Variants in SEMA3E observed in about 807,000 individuals in gnomAD.
SEMA3E encodes the protein semaphorin 3E, also known as semaphorin-3E.
SEMA3E carries 49 observed loss-of-function variants against 93.6 expected under a neutral mutation model. That is an observed-to-expected ratio of 0.52 (90% CI 0.42 to 0.66). The LOEUF (loss-of-function observed/expected upper bound fraction) is 0.66, where lower values mean the gene tolerates loss of function less well. SEMA3E is among the 30% of genes least tolerant of loss of function. SEMA3E has a pLI of 0.00. For missense variants in SEMA3E, 906 were observed against 964.8 expected (o/e 0.94, Z 0.81); for synonymous variants, 363 against 330.7 (o/e 1.10, Z -1.06).
chr7:83,385,040 C>A (rs941671085), intron 16 of SEMA3E, among the ~76,000 whole-genome samples: 3 of 150,924 alleles, frequency 2.0e-5, no homozygotes, highest in Admixed American at 6.6e-5. Context: ...CTTCCAAGAT[C>A]CAAATTAATG....
intron 1 of SEMA3E, among the ~76,000 whole-genome samples, chr7:83,608,483 A>C (rs1793174578): frequency 6.6e-6 from 1 of 152,090 alleles, no homozygotes; most frequent in Admixed American, 6.6e-5. Context: ...TGTCCAGAGC[A>C]TGCACATTTT....
chr7:83,451,047 G>A (rs944032324), intron 4 of SEMA3E, among the ~76,000 whole-genome samples: 1 of 152,084 alleles, frequency 6.6e-6, no homozygotes, highest in African/African-American at 2.4e-5. Context: ...TCCTGTTAGT[G>A]ATAGTAAGTT....
intron 1 of SEMA3E, among the ~76,000 whole-genome samples, chr7:83,606,762 TAAAAA>T (rs200784473): frequency 8.7e-6 from 1 of 115,562 alleles, no homozygotes; most frequent in Admixed American, 8.8e-5. Flanking sequence ...TAAAGTATAA[TAAAAA>T]AAAAAAAATT....
intron 1 of SEMA3E, among the ~76,000 whole-genome samples, chr7:83,622,705 T>C (rs2115636411): frequency 6.6e-6 from 1 of 152,276 alleles, no homozygotes; most frequent in African/African-American, 2.4e-5. Flanking sequence ...CTGGAAGCCA[T>C]TATCCTCGGC....
At chr7:83,627,072 C>T (rs1434947798) in intron 1 of SEMA3E, among the ~76,000 whole-genome samples, 1 of 151,922 alleles carries the variant, frequency 6.6e-6, no homozygotes, top group Non-Finnish European at 1.5e-5. Flanking sequence ...TCTGAGAGAC[C>T]GTTTGTTACA....
intron 4 of SEMA3E, among the ~76,000 whole-genome samples, chr7:83,445,970 TCTTGTGTACACTTA>T (rs1789219775): frequency 6.6e-6 from 1 of 152,166 alleles, no homozygotes; most frequent in Non-Finnish European, 1.5e-5. Flanking sequence ...AAAAGTAGCA[TCTTGTGTACACTTA>T]CTACATTCCA....
At chr7:83,553,133 G>A (rs550800450) in intron 1 of SEMA3E, among the ~76,000 whole-genome samples, 91 of 152,272 alleles carry the variant, frequency 6.0e-4, no homozygotes, top group African/African-American at 1.9e-3. Context: ...GATAGGTGAT[G>A]TCACCCCTGG....
intron 4 of SEMA3E, among the ~76,000 whole-genome samples, chr7:83,450,523 T>C (rs1302694245): frequency 6.6e-6 from 1 of 152,168 alleles, no homozygotes; most frequent in African/African-American, 2.4e-5. Context: ...TGATGTATGA[T>C]TCCATTACAT....
chr7:83,422,559 A>G (rs1788686751), intron 4 of SEMA3E, among the ~76,000 whole-genome samples: 1 of 152,188 alleles, frequency 6.6e-6, no homozygotes, highest in Non-Finnish European at 1.5e-5. Flanking sequence ...TTTATACAAT[A>G]TAGATAGTAG....
At chr7:83,386,711 G>A (rs1467174849) in intron 15 of SEMA3E, among the ~76,000 whole-genome samples, 1 of 152,128 alleles carries the variant, frequency 6.6e-6, no homozygotes, top group Non-Finnish European at 1.5e-5. Flanking sequence ...ACCACCTAAA[G>A]TATGCAGCAT....
chr7:83,512,575 G>A (rs1790847132), intron 1 of SEMA3E, among the ~76,000 whole-genome samples: 1 of 152,114 alleles, frequency 6.6e-6, no homozygotes, highest in Non-Finnish European at 1.5e-5. Context: ...AAAAAAGTCA[G>A]ATAATGATAT....
intron 1 of SEMA3E, among the ~76,000 whole-genome samples, chr7:83,514,248 C>T (rs535451799): frequency 1.3e-5 from 2 of 152,172 alleles, no homozygotes; most frequent in Non-Finnish European, 2.9e-5. Flanking sequence ...AAATGGGCAA[C>T]CAGCAGCCCT....
intron 1 of SEMA3E, among the ~76,000 whole-genome samples, chr7:83,622,686 T>C (rs1222081103): frequency 1.3e-5 from 2 of 152,180 alleles, no homozygotes; most frequent in East Asian, 1.9e-4. Flanking sequence ...TGCAGGGACA[T>C]GGATGGAGCT....
chr7:83,412,930 ACT>A (rs972799259), intron 5 of SEMA3E, among the ~76,000 whole-genome samples: 14 of 152,140 alleles, frequency 9.2e-5, no homozygotes, highest in African/African-American at 3.4e-4. Flanking sequence ...TAAAACAGGA[ACT>A]CTATTTTTTT....
intron 1 of SEMA3E, among the ~76,000 whole-genome samples, chr7:83,585,203 G>A (rs1792599928): frequency 6.6e-6 from 1 of 152,030 alleles, no homozygotes; most frequent in Admixed American, 6.6e-5. Flanking sequence ...AGCCTTCCCT[G>A]ACCACTCTCA....
At chr7:83,554,782 T>C (rs1004611741) in intron 1 of SEMA3E, among the ~76,000 whole-genome samples, 1 of 152,006 alleles carries the variant, frequency 6.6e-6, no homozygotes, top group Non-Finnish European at 1.5e-5. Context: ...GGAGACCATC[T>C]TGGCTAACAC....
At chr7:83,611,263 T>C (rs1257482313) in intron 1 of SEMA3E, among the ~76,000 whole-genome samples, 1 of 144,166 alleles carries the variant, frequency 6.9e-6, no homozygotes, top group East Asian at 2.0e-4. Context: ...ATATATATTA[T>C]ATATAAATTT....
intron 4 of SEMA3E, among the ~76,000 whole-genome samples, chr7:83,439,033 C>A: frequency 6.6e-6 from 1 of 152,070 alleles, no homozygotes; most frequent in East Asian, 1.9e-4. Context: ...TTTTTTAGAA[C>A]AAAGATGCTT....
At chr7:83,596,418 C>G (rs941910437) in intron 1 of SEMA3E, among the ~76,000 whole-genome samples, 1 of 151,964 alleles carries the variant, frequency 6.6e-6, no homozygotes, top group Non-Finnish European at 1.5e-5. Flanking sequence ...CGTCACTGCT[C>G]CTAGGCTCTC....
Sources: allele counts gnomAD v4.1 joint callset (sites outside exome capture counted in the v4.1 genomes callset), GRCh38; gene constraint gnomAD v4.1.1; transcripts MANE v1.5; gene names NCBI Gene and HGNC (gene_info 2026-07-23, HGNC 2026-07-21).